CD163: variants seen among roughly 807,000 people sequenced by gnomAD.
CD163 encodes the protein scavenger receptor cysteine-rich type 1 protein M130.
CD163 carries 64 observed loss-of-function variants against 129.2 expected under a neutral mutation model. The ratio of observed to expected loss-of-function variants is 0.50; its 90% CI spans 0.41 to 0.61. The LOEUF is 0.61. CD163 is among the 20% of genes least tolerant of loss of function. The pLI is 0.00. For missense variants in CD163, 1,061 were observed against 1,377.9 expected (o/e 0.77, Z 3.64); for synonymous variants, 446 against 478.5 (o/e 0.93, Z 0.89).
At position 7,503,698 on chromosome 12, in the gene CD163, AT is replaced by A; in HGVS notation, c.-9del. 2 of 1,567,528 alleles carry A rather than the reference AT, an allele frequency of 1.3e-6. No homozygotes were observed. The highest frequency in any genetic ancestry group is 1.1e-5 in the South Asian group (1 of 89,060). On this transcript the variant is annotated 5_prime_UTR_variant, in exon 1 of 17. Coordinates refer to ENST00000432237, the MANE Select transcript of CD163 (RefSeq NM_203416.4). ...CATTCTGAGTTTGCTCATTCCAAAGATTTATAACTTCAATGATTCCTAAATC... is the reference window on the plus strand; with the variant it reads ...CATTCTGAGTTTGCTCATTCCAAAGATTATAACTTCAATGATTCCTAAATC...
At position 7,486,976 on chromosome 12, in the gene CD163, G is replaced by T; in HGVS notation, c.2061C>A (p.Ser687=). The part of the protein sequence containing the change: ...VASVICSGNQ[S]QTLSSCNSSS... ...ATGAATTGCACGAGGACAGTGTTTG[G>T]GACTGGTTTCCTGCAAACACCAAGG... The change falls in exon 9 of 17, where the codon TCC becomes TCA. Residue 687 remains serine, a synonymous_variant. Coordinates refer to ENST00000432237, the MANE Select transcript of CD163 (RefSeq NM_203416.4). 5.0e-6 allele frequency: 8 copies of T among 1,613,778 alleles called. No homozygotes were observed. Among genetic ancestry groups the T allele is most frequent in the Non-Finnish European group, 6.8e-6 (8 of 1,179,778 alleles).
rs749059052 is a variant in CD163 at position 7,487,004 on chromosome 12, C to T, written c.2051-18G>A. On this transcript the variant is annotated intron_variant, in intron 8 of 16. Coordinates refer to ENST00000432237, the MANE Select transcript of CD163 (RefSeq NM_203416.4). The surrounding 1 kb of genome is among the most constrained non-coding windows in gnomAD (Gnocchi z 5.1). Reference sequence around the variant, plus strand: ...CTGGTTTCCTGCAAACACCAAGGTACTCAGTCATACAAGACACAAAAGGTT... The same window carrying T: ...CTGGTTTCCTGCAAACACCAAGGTATTCAGTCATACAAGACACAAAAGGTT... 6.3e-7 allele frequency: 1 copy of T among 1,596,628 alleles called. No homozygotes were observed. The highest frequency in any genetic ancestry group is 1.3e-5 in the African/African-American group (1 of 74,630).
intron 5 of CD163, 58 bp from the exon 6 acceptor site, chr12:7,495,459 AT>A (rs200075567): frequency 3.7e-4 from 542 of 1,481,964 alleles, no homozygotes; most frequent in African/African-American, 9.9e-4. Flanking sequence ...CTTCCAGAGG[AT>A]TTTTTTTTGT....
chr12:7,501,500 G>A (rs752961999), intron 2 of CD163, 38 bp from the exon 3 acceptor site: 200 of 1,493,446 alleles, frequency 1.3e-4, no homozygotes, highest in Non-Finnish European at 1.7e-4. Context: ...GGCCAAGGTC[G>A]CAAAGAGCAA....
At chr12:7,503,591 A>T in intron 1 of CD163, 54 bp downstream of exon 1, 1 of 1,187,038 alleles carries the variant, frequency 8.4e-7, no homozygotes, top group Non-Finnish European at 1.2e-6. Context: ...TGACTGTCAT[A>T]ATAATTACAT....
intron 16 of CD163, 58 bp downstream of exon 16, chr12:7,479,802 A>G (rs1005869751): frequency 6.4e-6 from 10 of 1,559,734 alleles, no homozygotes; most frequent in Non-Finnish European, 8.7e-6. Flanking sequence ...AAGAGCTCTC[A>G]GTCCTCAAAA....
Position 7,483,566 on chromosome 12 carries a change from A to G in CD163, c.2889T>C (p.Ala963=), listed in dbSNP as rs368897599. ...AGCCAAGTTGTTGACACACCACCTG[A>G]GCATCGTCCAAGTCCCAAGAGTCAT... The part of the protein sequence containing the change: ...VCDDSWDLDD[A]QVVCQQLGCG... Residue 963 remains alanine (A), a synonymous_variant, in exon 12 of 17, where the codon GCT becomes GCC. Coordinates refer to ENST00000432237, the MANE Select transcript of CD163 (RefSeq NM_203416.4). 6.2e-7 allele frequency: 1 copy of G among 1,613,690 alleles called. No homozygotes were observed. The highest frequency in any genetic ancestry group is 1.3e-5 in the African/African-American group (1 of 74,812).
chr12:7,481,709 C>T (rs1648164009), intron 14 of CD163, among the ~76,000 whole-genome samples: 1 of 152,120 alleles, frequency 6.6e-6, no homozygotes, highest in Non-Finnish European at 1.5e-5. Flanking sequence ...TTGACCATTT[C>T]ACTCCCCTAC....
intron 16 of CD163, among the ~76,000 whole-genome samples, chr12:7,476,676 G>A (rs1471962398): frequency 1.3e-5 from 2 of 152,102 alleles, no homozygotes; most frequent in Non-Finnish European, 2.9e-5. Flanking sequence ...CATAGGCATG[G>A]GCAAAGACTT....
chr12:7,482,627 C>A lies in CD163; in HGVS notation c.3247+16G>T. ...TATCCTGTAGACATATTAGATAAAC[C>A]AAATTTGGCTCAAACCTGCAAGCCG... On this transcript the variant is annotated intron_variant, in intron 14 of 16. Coordinates refer to ENST00000432237, the MANE Select transcript of CD163 (RefSeq NM_203416.4). 1.2e-6 allele frequency: 2 copies of A among 1,613,578 alleles called. No individual in the cohort carries two copies. The highest frequency in any genetic ancestry group is 1.1e-5 in the South Asian group (1 of 90,992).
rs954557047 is a variant in CD163 at position 7,499,179 on chromosome 12, T to G, written c.467A>C (p.Asn156Thr). 6.8e-6 allele frequency: 11 copies of G among 1,610,240 alleles called. No homozygotes were observed. The highest frequency in any genetic ancestry group is 8.5e-6 in the Non-Finnish European group (10 of 1,178,760). ...TCCACGCGTCAGCCTCATTTCCAAA[T>G]TGGATCCATCTGGAGCAGAGAAAAG... ...DAGVTCSDGS[N>T]LEMRLTRGGN... The change falls in exon 4 of 17, where the codon AAT (asparagine) becomes ACT (threonine). Residue 156 changes from asparagine (N) to threonine (T), a missense_variant. By Grantham distance (65) the Asn-to-Thr change is moderately conservative. Transcript: ENST00000432237.
intron 3 of CD163, 76 bp downstream of exon 3, chr12:7,501,063 C>T: frequency 7.8e-7 from 1 of 1,284,356 alleles, no homozygotes; most frequent in Non-Finnish European, 1.1e-6. Flanking sequence ...GTGGCTTATT[C>T]TAGGTTTTAA....
chr12:7,473,909 AG>A (rs762755208), intron 16 of CD163, among the ~76,000 whole-genome samples: 7 of 152,170 alleles, frequency 4.6e-5, no homozygotes, highest in Non-Finnish European at 1.0e-4. Context: ...AACAAAAAAA[AG>A]AAAACAGGGG....
chr12:7,496,815 G>C lies in CD163; in HGVS notation c.1097C>G (p.Ser366Cys). Residue 366 changes from serine (S) to cysteine (C), a missense_variant and splice_region_variant, in exon 5 of 17, where the codon TCT becomes TGT. By Grantham distance (112) the Ser-to-Cys change is moderately radical. Coordinates refer to ENST00000432237, the MANE Select transcript of CD163 (RefSeq NM_203416.4). This position sits in a 1 kb window ranked among gnomAD's most constrained non-coding sequence, Gnocchi z 4.8. ...NHNEDAGVTC[S>C]DGSDLELRLR... ...GTTTTGGTTTGGTTTTAACTTACCAGAACATGTCACGCCAGCATCTTCATT... is the reference window on the plus strand; with the variant it reads ...GTTTTGGTTTGGTTTTAACTTACCACAACATGTCACGCCAGCATCTTCATT... The C allele has an allele frequency of 1.2e-6, 2 of 1,613,810 alleles. No homozygotes were observed. Among genetic ancestry groups the C allele is most frequent in the Non-Finnish European group, 1.7e-6 (2 of 1,179,782 alleles).
At position 7,470,818 on chromosome 12, in the gene CD163, G is replaced by A. The variant is rs1948992545; in HGVS notation, c.*611C>T. Reference sequence around the variant, plus strand: ...AGAAACGAAACCACTGAGTCTTTGTGCCCTCACCAGGTGTGGCTCTGCATT... The same window carrying A: ...AGAAACGAAACCACTGAGTCTTTGTACCCTCACCAGGTGTGGCTCTGCATT... On this transcript the variant is annotated 3_prime_UTR_variant, in exon 17 of 17. Coordinates refer to ENST00000432237, the MANE Select transcript of CD163 (RefSeq NM_203416.4). The A allele has an allele frequency of 2.0e-5, 3 of 152,074 alleles. No individual in the cohort carries two copies. In the South Asian group the frequency reaches 6.2e-4, roughly 31 times the overall value. 9.4% of individuals were successfully genotyped at this position (152,074 alleles called of 1,614,324 possible).
Position 7,497,091 on chromosome 12 carries a change from T to TC in CD163, c.820dup (p.Glu274GlyfsTer19). ...TCTCACTTCTAATCTTCCTGAACAT[T>TC]CAGTGACTCCATCTACCAGTCTCAG... is the stretch of plus-strand genomic sequence containing the variant. On this transcript the variant is annotated frameshift_variant, in exon 5 of 17. Coordinates refer to ENST00000432237, the MANE Select transcript of CD163 (RefSeq NM_203416.4). LOFTEE classifies it high-confidence loss of function. 6.2e-7 allele frequency: 1 copy of TC among 1,614,072 alleles called. No homozygotes were observed. The highest frequency in any genetic ancestry group is 8.5e-7 in the Non-Finnish European group (1 of 1,179,988).
At position 7,487,500 on chromosome 12, in the gene CD163, G is replaced by T. The variant is rs766979167; in HGVS notation, c.1909C>A (p.Arg637Ser). The change falls in exon 8 of 17, where the codon CGT becomes AGT. Residue 637 changes from arginine to serine, a missense_variant. Physicochemically the swap from Arg to Ser is moderately radical, Grantham distance 110 (BLOSUM62 -1). Transcript: ENST00000432237. The surrounding 1 kb of genome is among the most constrained non-coding windows in gnomAD (Gnocchi z 5.1). ...ATCTGACCATTTCCTTTTCCAAAAC[G>T]TGCTCCTCCTGGGGTAGAAAGGGCA... is the stretch of plus-strand genomic sequence containing the variant. ...GVALSTPGGA[R>S]FGKGNGQIWR... is the part of the protein sequence containing the mutation. 34 of 1,613,918 alleles carry T rather than the reference G, an allele frequency of 2.1e-5. No individual in the cohort carries two copies. Among genetic ancestry groups the T allele is most frequent in the Non-Finnish European group, 2.9e-5 (34 of 1,180,022 alleles).
chr12:7,487,684 A>G lies in CD163; in HGVS notation c.1736-11T>C, dbSNP rs760797307. ...GAATTTCTGTGTATCCTGGAAGGAG[A>G]CAGGGCTTTAGAAAAAGACAGCTAT... is the stretch of plus-strand genomic sequence containing the variant. On this transcript the variant is annotated splice_polypyrimidine_tract_variant and intron_variant, in intron 7 of 16. Transcript: ENST00000432237. This position sits in a 1 kb window ranked among gnomAD's most constrained non-coding sequence, Gnocchi z 5.1. 6.2e-7 allele frequency: 1 copy of G among 1,614,106 alleles called. No individual in the cohort carries two copies. Among genetic ancestry groups the G allele is most frequent in the South Asian group, 1.1e-5 (1 of 91,070 alleles).
intron 6 of CD163, 61 bp from the exon 7 acceptor site, chr12:7,488,148 G>A: frequency 2.7e-6 from 4 of 1,482,990 alleles, no homozygotes; most frequent in Admixed American, 2.2e-5. Context: ...CATTCATGAT[G>A]AGGGTGAAGA....
Sources: gnomAD v4.1 joint callset for allele counts (sites outside exome capture counted in the v4.1 genomes callset) on GRCh38, gnomAD v4.1.1 for gene constraint, Gnocchi (gnomAD v3.1) non-coding constraint, MANE v1.5 for transcripts, NCBI Gene and HGNC (gene_info 2026-07-23, HGNC 2026-07-21) for gene names.